Variants in PTPRG observed in about 807,000 individuals in gnomAD.
PTPRG encodes the protein protein tyrosine phosphatase receptor type G.
A neutral mutation model predicts 165.3 loss-of-function variants in PTPRG; 102 were observed. The ratio of observed to expected loss-of-function variants is 0.62; its 90% CI spans 0.53 to 0.73. The LOEUF (loss-of-function observed/expected upper bound fraction) is 0.73, where lower values mean the gene tolerates loss of function less well. Among genes scored for constraint, PTPRG ranks in the 30% least tolerant of loss-of-function variants. The pLI is 0.00. For missense variants in PTPRG, 1,866 were observed against 1,861.4 expected, an observed-to-expected ratio of 1.00 and a Z score of -0.05; for synonymous variants, 675 against 669.5, an observed-to-expected ratio of 1.01 and a Z score of -0.13.
intron 1 of PTPRG, among the ~76,000 whole-genome samples, chr3:61,612,101 A>G (rs1701187578): frequency 6.6e-6 from 1 of 151,928 alleles, no homozygotes; most frequent in African/African-American, 2.4e-5. Flanking sequence ...TGCCACCATG[A>G]CTGGGTAATT....
In PTPRG at chr3:61,755,207, C is replaced by T. The variant is rs183100692; in HGVS notation, c.190+6225C>T. 4.9e-4 allele frequency among the ~76,000 whole-genome samples: 75 copies of T among 152,216 alleles called. 1 individual carries two copies. The highest frequency in any genetic ancestry group is 1.5e-3 in the African/African-American group (63 of 41,528). On this transcript the variant is annotated intron_variant, in intron 2 of 29. Transcript: ENST00000474889. ...ATTTTTAGTAGAGTTGGGGTTTCGC[C>T]CTGTTAGCAAGGCTGGTCTCGAACT...
intron 2 of PTPRG, among the ~76,000 whole-genome samples, chr3:61,863,316 A>G (rs1184622234): frequency 6.6e-6 from 1 of 152,220 alleles, no homozygotes; most frequent in Non-Finnish European, 1.5e-5. Context: ...GGAGATGTTC[A>G]TGAGAGCATT....
At chr3:61,964,626 A>G (rs754103493) in intron 2 of PTPRG, among the ~76,000 whole-genome samples, 14 of 152,206 alleles carry the variant, frequency 9.2e-5, no homozygotes, top group African/African-American at 3.1e-4. Flanking sequence ...TATAAAGCCA[A>G]TAATTCTCCA....
At chr3:61,562,486 A>T (rs1036025789) in intron 1 of PTPRG, 114 bp downstream of exon 1, 1 of 928,174 alleles carries the variant, frequency 1.1e-6, no homozygotes, top group African/African-American at 1.7e-5. Flanking sequence ...GAGAGGGTGG[A>T]GGGTGGCCCG....
intron 23 of PTPRG, among the ~76,000 whole-genome samples, chr3:62,274,958 G>T (rs977310227): frequency 3.3e-5 from 5 of 151,926 alleles, no homozygotes; most frequent in African/African-American, 1.2e-4. Context: ...CGACCAGGTA[G>T]TTGGTTCTTT....
rs1701423707 is a variant in PTPRG, at chr3:62,251,736, T to C, written c.2468-3388T>C. 2.0e-5 allele frequency among the ~76,000 whole-genome samples: 3 copies of C among 152,304 alleles called. No individual in the cohort carries two copies. In the South Asian group the frequency reaches 6.2e-4, roughly 32 times the overall value. ...TTTAATTTGTTATTCCTTGAAATTA[T>C]AGTACTTTGAGAATGAAGACAAACA... On this transcript the variant is annotated intron_variant, in intron 15 of 29. Transcript: ENST00000474889.
chr3:62,231,818 AGTT>A (rs1487118699), intron 14 of PTPRG, among the ~76,000 whole-genome samples: 11 of 151,810 alleles, frequency 7.2e-5, no homozygotes, highest in African/African-American at 2.4e-4. Flanking sequence ...AGAATGGTGA[AGTT>A]GTTTTTTTTT....
At chr3:61,781,428 A>G (rs1331888580) in intron 2 of PTPRG, among the ~76,000 whole-genome samples, 1 of 152,200 alleles carries the variant, frequency 6.6e-6, no homozygotes, top group Admixed American at 6.5e-5. Context: ...AATTTAATAT[A>G]TTTTTTGAAA....
intron 12 of PTPRG, among the ~76,000 whole-genome samples, chr3:62,204,769 G>A (rs1700185574): frequency 6.6e-6 from 1 of 152,178 alleles, no homozygotes; most frequent in African/African-American, 2.4e-5. Flanking sequence ...ATGAGCCAGT[G>A]TATAGACAGT....
intron 4 of PTPRG, among the ~76,000 whole-genome samples, chr3:62,034,046 A>T (rs977691263): frequency 4.6e-5 from 7 of 152,214 alleles, no homozygotes; most frequent in Non-Finnish European, 8.8e-5. Flanking sequence ...GATTACAGGC[A>T]TGAGCCACTG....
chr3:61,654,785 T>TTC (rs1553645071), intron 1 of PTPRG, among the ~76,000 whole-genome samples: 1 of 146,320 alleles, frequency 6.8e-6, no homozygotes, highest in African/African-American at 2.5e-5. Flanking sequence ...GCTTTTTCTT[T>TTC]TTTTTTTTTT....
intron 1 of PTPRG, among the ~76,000 whole-genome samples, chr3:61,607,799 A>C (rs570658414): frequency 6.6e-6 from 1 of 152,266 alleles, no homozygotes; most frequent in East Asian, 1.9e-4. Context: ...ATGTGGGCTC[A>C]GGAAGCTAAA....
intron 1 of PTPRG, among the ~76,000 whole-genome samples, chr3:61,654,539 C>T (rs1411742161): frequency 6.6e-6 from 1 of 151,938 alleles, no homozygotes; most frequent in East Asian, 1.9e-4. Flanking sequence ...CATGTGCCAC[C>T]ATGCTCAGCT....
At chr3:62,170,450 C>T (rs973176917) in intron 8 of PTPRG, among the ~76,000 whole-genome samples, 2 of 151,978 alleles carry the variant, frequency 1.3e-5, no homozygotes, top group Non-Finnish European at 2.9e-5. Flanking sequence ...AAGCTCTTTC[C>T]TGAAAAAATG....
intron 1 of PTPRG, among the ~76,000 whole-genome samples, chr3:61,656,148 G>A (rs1234799893): frequency 6.6e-6 from 1 of 152,024 alleles, no homozygotes; most frequent in African/African-American, 2.4e-5. Context: ...GGGAGGATCA[G>A]TTGAACCCAG....
At chr3:61,681,349 A>T (rs991880022) in intron 1 of PTPRG, among the ~76,000 whole-genome samples, 1 of 152,228 alleles carries the variant, frequency 6.6e-6, no homozygotes, top group African/African-American at 2.4e-5. Flanking sequence ...TAATGATCCA[A>T]TGCTGAAACA....
In PTPRG at chr3:61,600,192, A is replaced by ATGTGTGTGTGTG. The variant is rs1258297289; in HGVS notation, c.85+37834_85+37845dup. 8.4e-5 allele frequency among the ~76,000 whole-genome samples: 9 copies of ATGTGTGTGTGTG among 106,636 alleles called. No individual in the cohort carries two copies. The South Asian group carries it at 1.8e-3, about 21-fold the overall frequency. 70.0% of individuals were successfully genotyped at this position (106,636 alleles called of 152,430 possible). A position where few individuals can be genotyped will look rare whatever the true frequency, so the allele number is the denominator to read the frequency against. On this transcript the variant is annotated intron_variant, in intron 1 of 29. Coordinates refer to ENST00000474889, the MANE Select transcript of PTPRG (RefSeq NM_002841.4). ...AAAAAAAATATATATATATATATAT[A>ATGTGTGTGTGTG]TGTGTGTGTGTGTGTGTGTGTGTGT...
chr3:62,048,947 C>T (rs1245164775), intron 4 of PTPRG, among the ~76,000 whole-genome samples: 1 of 152,180 alleles, frequency 6.6e-6, no homozygotes, highest in Non-Finnish European at 1.5e-5. Flanking sequence ...AACAAGTAGA[C>T]TGCTGCCTGT....
At chr3:61,742,762 A>C (rs1228481271) in intron 1 of PTPRG, 1 of 1,611,562 alleles carries the variant, frequency 6.2e-7, no homozygotes, top group Admixed American at 1.7e-5. Flanking sequence ...CTGCTTGATC[A>C]GAGACTCTGA....
Sources: gnomAD v4.1 joint callset for allele counts (sites outside exome capture counted in the v4.1 genomes callset) on GRCh38, gnomAD v4.1.1 for gene constraint, MANE v1.5 for transcripts, NCBI Gene and HGNC (gene_info 2026-07-23, HGNC 2026-07-21) for gene names.